MED12L: variants seen among roughly 807,000 people sequenced by gnomAD.
MED12L encodes mediator of RNA polymerase II transcription subunit 12-like protein.
Under a neutral mutation model 281.3 loss-of-function variants are expected in MED12L, and 60 were observed. The observed-to-expected ratio is 0.21, with a 90% CI of 0.17 to 0.26. The LOEUF is 0.26. Ranked by LOEUF, MED12L falls within the 10% of genes least tolerant of loss-of-function variation. The probability of loss-of-function intolerance (pLI) is 1.00; values close to 1 mark genes in which losing one functional copy is unlikely to be tolerated. For missense variants in MED12L, 2,146 were observed against 2,680.9 expected (o/e 0.80, Z 4.41); for synonymous variants, 974 against 987.2 (o/e 0.99, Z 0.25).
intron 16 of MED12L, among the ~76,000 whole-genome samples, chr3:151,345,685 T>G (rs1255866841): frequency 6.6e-6 from 1 of 151,802 alleles, no homozygotes; most frequent in East Asian, 1.9e-4. Context: ...GCCTGGCTAG[T>G]TTTTGTATTT....
At chr3:151,397,544 A>C (rs1715135916) in intron 39 of MED12L, among the ~76,000 whole-genome samples, 1 of 152,238 alleles carries the variant, frequency 6.6e-6, no homozygotes, top group African/African-American at 2.4e-5. Context: ...TTTAGCAAAT[A>C]TGGTCTTATG....
chr3:151,295,255 A>G, intron 16 of MED12L: 2 of 1,356,454 alleles, frequency 1.5e-6, no homozygotes, highest in Non-Finnish European at 2.1e-6. Flanking sequence ...CTTGGCAAGC[A>G]TGCCCACAGG....
intron 16 of MED12L, among the ~76,000 whole-genome samples, chr3:151,215,565 A>C (rs1728046254): frequency 6.6e-6 from 1 of 152,232 alleles, no homozygotes; most frequent in South Asian, 2.1e-4. Flanking sequence ...GGTGTTATCC[A>C]GAACTTCTAT....
intron 20 of MED12L, among the ~76,000 whole-genome samples, chr3:151,357,651 C>A (rs1047963595): frequency 3.3e-5 from 5 of 152,126 alleles, no homozygotes; most frequent in African/African-American, 9.7e-5. Flanking sequence ...TAGCACTCTA[C>A]GGTTAATGTT....
At chr3:151,381,835 C>T (rs1194912333) in intron 32 of MED12L, among the ~76,000 whole-genome samples, 1 of 152,174 alleles carries the variant, frequency 6.6e-6, no homozygotes, top group Non-Finnish European at 1.5e-5. Context: ...TTGGGAAGTG[C>T]TTTCCTCTCA....
At chr3:151,230,895 G>A (rs558175985) in intron 16 of MED12L, among the ~76,000 whole-genome samples, 94 of 152,204 alleles carry the variant, frequency 6.2e-4, no homozygotes, top group African/African-American at 2.2e-3. Flanking sequence ...AAGGAAACAG[G>A]GCTCCTTAAG....
chr3:151,279,261 C>T (rs73023047), intron 16 of MED12L, among the ~76,000 whole-genome samples: 3,297 of 152,232 alleles, frequency 0.022, 115 homozygotes, highest in African/African-American at 0.077. Context: ...TGGGTAACAA[C>T]TAGTAAAGTT....
At chr3:151,298,695 C>CG (rs967462201) in intron 16 of MED12L, among the ~76,000 whole-genome samples, 46 of 151,904 alleles carry the variant, frequency 3.0e-4, no homozygotes, top group Non-Finnish European at 4.6e-4. Context: ...CTGTCTTTGC[C>CG]GGGGGGAATA....
At chr3:151,227,418 A>AG (rs140138752) in intron 16 of MED12L, among the ~76,000 whole-genome samples, 1 of 152,206 alleles carries the variant, frequency 6.6e-6, no homozygotes, top group Non-Finnish European at 1.5e-5. Flanking sequence ...GAGAATGGTA[A>AG]GGGGGGACGG....
At chr3:151,393,525 AG>A (rs1714571401) in intron 38 of MED12L, among the ~76,000 whole-genome samples, 1 of 145,750 alleles carries the variant, frequency 6.9e-6, no homozygotes, top group East Asian at 2.3e-4. Flanking sequence ...CCCACCGTAA[AG>A]ATAAGCTGTT....
chr3:151,148,453 A>AT (rs1368097457), intron 5 of MED12L, among the ~76,000 whole-genome samples: 2 of 152,152 alleles, frequency 1.3e-5, no homozygotes, highest in Non-Finnish European at 2.9e-5. Context: ...TTGATTTTGC[A>AT]TTTTTTCTCT....
intron 18 of MED12L, among the ~76,000 whole-genome samples, 174 bp downstream of exon 18, chr3:151,355,413 G>A (rs757135050): frequency 1.3e-5 from 2 of 152,090 alleles, no homozygotes; most frequent in Admixed American, 6.5e-5. Flanking sequence ...TGCCTTCCTC[G>A]AAGGATTAAT....
intron 16 of MED12L, among the ~76,000 whole-genome samples, chr3:151,319,906 CAG>C (rs1489216594): frequency 1.3e-5 from 2 of 152,118 alleles, no homozygotes; most frequent in African/African-American, 2.4e-5. Context: ...CTTAAAGAGA[CAG>C]GGGCGCTCAA....
intron 32 of MED12L, 98 bp downstream of exon 32, chr3:151,380,322 TGTG>T (rs1712026922): frequency 1.2e-6 from 1 of 801,670 alleles, no homozygotes; most frequent in African/African-American, 1.8e-5. Context: ...AAGGGCCAGG[TGTG>T]GTGGCTCATG....
At chr3:151,358,369 T>C (rs1754193353) in intron 20 of MED12L, among the ~76,000 whole-genome samples, 1 of 152,116 alleles carries the variant, frequency 6.6e-6, no homozygotes, top group Admixed American at 6.6e-5. Flanking sequence ...CCCAGGAAAT[T>C]GAGATTCAGG....
chr3:151,436,443 GTTTA>G lies in MED12L; in HGVS notation c.*3642_*3645del, dbSNP rs1720224817. 2.7e-6 allele frequency: 1 copy of G among 375,784 alleles called. No individual in the cohort carries two copies. Among genetic ancestry groups the G allele is most frequent in the South Asian group, 4.3e-5 (1 of 23,528 alleles). 23.3% of individuals were successfully genotyped at this position (375,784 alleles called of 1,614,324 possible). On this transcript the variant is annotated 3_prime_UTR_variant, in exon 45 of 45. Coordinates refer to ENST00000687756, the MANE Select transcript of MED12L (RefSeq NM_001393769.1). ...TTTATAGTGAACCGTTTCAATGTTT[GTTTA>G]TTGTTATTTGTTGGCAAAATAAAAG... is the stretch of plus-strand genomic sequence containing the variant.
intron 5 of MED12L, among the ~76,000 whole-genome samples, chr3:151,151,448 T>A (rs929638245): frequency 6.6e-6 from 1 of 152,168 alleles, no homozygotes; most frequent in African/African-American, 2.4e-5. Context: ...CATGCCTTCC[T>A]CGCTGAGCTT....
At chr3:151,271,062 A>G (rs989747596) in intron 16 of MED12L, among the ~76,000 whole-genome samples, 13 of 151,890 alleles carry the variant, frequency 8.6e-5, no homozygotes, top group Non-Finnish European at 1.5e-4. Context: ...TTTTTTTTGT[A>G]GACACCATTA....
chr3:151,379,943 C>T (rs1024046626), intron 31 of MED12L, among the ~76,000 whole-genome samples, 170 bp from the exon 32 acceptor site: 7 of 152,188 alleles, frequency 4.6e-5, no homozygotes, highest in Non-Finnish European at 8.8e-5. Flanking sequence ...AGAAGCATTA[C>T]AGTGGCTTTT....
Sources: allele counts gnomAD v4.1 joint callset (sites outside exome capture counted in the v4.1 genomes callset), GRCh38; gene constraint gnomAD v4.1.1; transcripts MANE v1.5; gene names NCBI Gene and HGNC (gene_info 2026-07-23, HGNC 2026-07-21).